NXPE2: variants seen among roughly 807,000 people sequenced by gnomAD.
The protein encoded by NXPE2 is NXPE family member 2.
In NXPE2, 34 loss-of-function variants were observed where a neutral mutation model predicts 34.4. That is an observed-to-expected ratio of 0.99 (90% confidence interval 0.75 to 1.31). The LOEUF (loss-of-function observed/expected upper bound fraction) is 1.31, where lower values mean the gene tolerates loss of function less well. Among genes scored for constraint, NXPE2 ranks in the 40% most tolerant of loss-of-function variants. The pLI is 0.00. For missense variants in NXPE2, 649 were observed against 672.5 expected, an observed-to-expected ratio of 0.97 and a Z score of 0.39; for synonymous variants, 235 against 231.3, an observed-to-expected ratio of 1.02 and a Z score of -0.15.
At chr11:114,582,586 A>G in the NXPE2 span, 2 of 1,614,014 alleles carry the variant, frequency 1.2e-6, no homozygotes, top group East Asian at 2.2e-5. Flanking sequence ...AGCAGCAGAG[A>G]CAGAGAGACC....
chr11:114,501,812 G>A, the NXPE2 span, among the ~76,000 whole-genome samples: 2 of 152,174 alleles, frequency 1.3e-5, no homozygotes, highest in Non-Finnish European at 2.9e-5. Context: ...TAGAATGAAT[G>A]CTGGTACTTT....
chr11:114,548,290 G>T, the NXPE2 span, among the ~76,000 whole-genome samples: 1 of 152,040 alleles, frequency 6.6e-6, no homozygotes, highest in Non-Finnish European at 1.5e-5. Flanking sequence ...AGTTAGTAAG[G>T]CTATTAAAGA....
the NXPE2 span, chr11:114,582,191 C>G: frequency 1.5e-6 from 2 of 1,348,122 alleles, no homozygotes; most frequent in Non-Finnish European, 2.0e-6. Context: ...ACTAAAGACA[C>G]CCAAAATTAA....
chr11:114,677,138 A>C (rs1304279980), upstream of NXPE2, among the ~76,000 whole-genome samples: 4 of 152,056 alleles, frequency 2.6e-5, no homozygotes, highest in Non-Finnish European at 5.9e-5. Context: ...CAAATAGGGG[A>C]TGTTGGTCAG....
the NXPE2 span, among the ~76,000 whole-genome samples, chr11:114,544,475 G>C: frequency 7.9e-5 from 12 of 152,134 alleles, no homozygotes; most frequent in Non-Finnish European, 2.9e-5. Flanking sequence ...CAATTTGATG[G>C]AAAAATGAGT....
At chr11:114,475,241 T>TTTTTA in the NXPE2 span, among the ~76,000 whole-genome samples, 1 of 64,168 alleles carries the variant, frequency 1.6e-5, no homozygotes. Flanking sequence ...TTTTTTTTTT[T>TTTTTA]TTTTTTTTTT....
At chr11:114,577,042 A>C in the NXPE2 span, among the ~76,000 whole-genome samples, 1 of 29,810 alleles carries the variant, frequency 3.4e-5, no homozygotes, top group Admixed American at 3.5e-4. Flanking sequence ...TATATATATA[A>C]AGTTATATAT....
At chr11:114,635,987 G>T in the NXPE2 span, among the ~76,000 whole-genome samples, 3 of 152,056 alleles carry the variant, frequency 2.0e-5, no homozygotes, top group Non-Finnish European at 4.4e-5. Flanking sequence ...CATAAAATGA[G>T]TTAGGGAGGA....
the NXPE2 span, among the ~76,000 whole-genome samples, chr11:114,475,757 G>A: frequency 2.0e-5 from 3 of 152,074 alleles, no homozygotes; most frequent in South Asian, 2.1e-4. Flanking sequence ...CAGTGACATC[G>A]CTTTTTGTTT....
At chr11:114,526,338 A>G in the NXPE2 span, among the ~76,000 whole-genome samples, 4 of 152,242 alleles carry the variant, frequency 2.6e-5, no homozygotes, top group Admixed American at 6.5e-5. Flanking sequence ...AATGATACAT[A>G]GACAACTGAC....
chr11:114,547,567 C>G, the NXPE2 span, among the ~76,000 whole-genome samples: 1 of 151,988 alleles, frequency 6.6e-6, no homozygotes, highest in Non-Finnish European at 1.5e-5. Context: ...AAACGCATCT[C>G]TCCCAAAAAA....
the NXPE2 span, among the ~76,000 whole-genome samples, chr11:114,608,694 C>T: frequency 6.6e-6 from 1 of 151,906 alleles, no homozygotes. Context: ...CCCAGGTAAC[C>T]ACTGTAACCA....
the NXPE2 span, among the ~76,000 whole-genome samples, chr11:114,746,576 G>T: frequency 6.6e-6 from 1 of 152,154 alleles, no homozygotes; most frequent in African/African-American, 2.4e-5. Flanking sequence ...CCTGGGCTGG[G>T]CATGGTGGCT....
At chr11:114,781,605 C>T in the NXPE2 span, among the ~76,000 whole-genome samples, 2 of 151,844 alleles carry the variant, frequency 1.3e-5, no homozygotes, top group Admixed American at 1.3e-4. Flanking sequence ...TGACCAGGGG[C>T]AAGGGCACAG....
chr11:114,482,878 GT>G, the NXPE2 span, among the ~76,000 whole-genome samples: 1 of 151,920 alleles, frequency 6.6e-6, no homozygotes, highest in Non-Finnish European at 1.5e-5. Context: ...AATCCACAGA[GT>G]TTTTTTTCAG....
At chr11:114,800,338 T>C in the NXPE2 span, among the ~76,000 whole-genome samples, 39 of 152,342 alleles carry the variant, frequency 2.6e-4, no homozygotes, top group Admixed American at 1.6e-3. Context: ...TGTCTCAACA[T>C]CACTGTGAGA....
the NXPE2 span, among the ~76,000 whole-genome samples, chr11:114,797,579 G>C: frequency 1.3e-5 from 2 of 152,136 alleles, no homozygotes; most frequent in African/African-American, 2.4e-5. Flanking sequence ...TTCCCTCCAA[G>C]CACACACTCA....
At chr11:114,502,113 C>G in the NXPE2 span, among the ~76,000 whole-genome samples, 3 of 152,154 alleles carry the variant, frequency 2.0e-5, no homozygotes, top group Admixed American at 1.3e-4. Flanking sequence ...TAGCACTCCT[C>G]CTAACTGTGA....
chr11:114,713,706 G>A, the NXPE2 span, among the ~76,000 whole-genome samples: 2 of 151,932 alleles, frequency 1.3e-5, no homozygotes, highest in African/African-American at 4.8e-5. Flanking sequence ...TATTTTCTTC[G>A]ATACTGAATC....
Sources: allele counts gnomAD v4.1 joint callset (sites outside exome capture counted in the v4.1 genomes callset), GRCh38; gene constraint gnomAD v4.1.1; transcripts MANE v1.5; gene names NCBI Gene and HGNC (gene_info 2026-07-23, HGNC 2026-07-21).